Variants in BAG6 observed in about 807,000 individuals in gnomAD.
BAG6 encodes BAG cochaperone 6.
In BAG6, 22 loss-of-function variants were observed where a neutral mutation model predicts 121.0. The ratio of observed to expected loss-of-function variants is 0.18; its 90% CI spans 0.13 to 0.26. The LOEUF is 0.26. Ranked by LOEUF, BAG6 falls within the 10% of genes least tolerant of loss-of-function variation. BAG6 has a pLI of 1.00. For missense variants in BAG6, 1,233 were observed against 1,537.7 expected, an observed-to-expected ratio of 0.80 and a Z score of 3.31; for synonymous variants, 583 against 584.6, an observed-to-expected ratio of 1.00 and a Z score of 0.04.
chr6:31,648,291 C>G (rs948265954), intron 6 of BAG6, among the ~76,000 whole-genome samples: 1 of 152,210 alleles, frequency 6.6e-6, no homozygotes, highest in Non-Finnish European at 1.5e-5. Context: ...GCTGGGATTA[C>G]AGGCAGGAGC....
rs116555088 is a variant in BAG6, at chr6:31,639,241, T to C, written c.3394-15A>G. The stretch of plus-strand genomic sequence containing the variant: ...TCAGACCGGAGCTAAAGAGAAAAAG[T>C]AAGCAGGTTGGAGAAACGCTGGCCA... On this transcript the variant is annotated splice_polypyrimidine_tract_variant and intron_variant, in intron 25 of 25. Coordinates refer to ENST00000676615, the MANE Select transcript of BAG6 (RefSeq NM_001387994.1). The C allele has an allele frequency of 7.8e-3, 12,546 of 1,609,434 alleles. 557 individuals carry two copies. The South Asian group carries it at 0.092, about 12-fold the overall frequency.
At chr6:31,639,357 A>T in intron 25 of BAG6, 131 bp from the exon 26 acceptor site, 1 of 1,460,604 alleles carries the variant, frequency 6.8e-7, no homozygotes, top group Non-Finnish European at 9.4e-7. Flanking sequence ...CCGGGGTGGC[A>T]CTGTCAAGCC....
Position 31,642,417 on chromosome 6 carries a change from A to G in BAG6, c.2044-14T>C. On this transcript the variant is annotated splice_polypyrimidine_tract_variant and intron_variant, in intron 15 of 25. Transcript: ENST00000676615. The stretch of plus-strand genomic sequence containing the variant: ...TGTCTGTGTTGCCTGGCAAATAAAG[A>G]AAGAACAAAGAACAGAAAGTGAGGT... 1.1e-6 allele frequency: 1 copy of G among 948,086 alleles called. No individual in the cohort carries two copies. Among genetic ancestry groups the G allele is most frequent in the Non-Finnish European group, 1.5e-6 (1 of 665,228 alleles). The allele number at this position is 948,086 out of a possible 1,614,324, so 58.7% of individuals were successfully genotyped here.
rs764367280 is a variant in BAG6, at chr6:31,644,618, G to A, written c.1370-16C>T. The A allele has an allele frequency of 1.9e-6, 3 of 1,611,978 alleles. No individual in the cohort carries two copies. The East Asian group carries it at 6.7e-5, about 36-fold the overall frequency. On this transcript the variant is annotated splice_polypyrimidine_tract_variant and intron_variant, in intron 10 of 25. Coordinates refer to ENST00000676615, the MANE Select transcript of BAG6 (RefSeq NM_001387994.1). This position sits in a 1 kb window ranked among gnomAD's most constrained non-coding sequence, Gnocchi z 4.9. ...GTGCCAGAATCTGGGCAGGGAGACA[G>A]AGACAGTGGCCCTGAGGTAGGTAGG... is the stretch of plus-strand genomic sequence containing the variant.
Position 31,642,833 on chromosome 6 carries a change from A to C in BAG6, c.2039T>G (p.Leu680Trp). ...AATGGCAAGCCAGCCACTCACCTGC[A>C]AGAAGTCAGTCATGCCTTGGAGAAA... ...PAFLQGMTDF[L>W]QATQTAPPPP... The change falls in exon 15 of 26, where the codon TTG becomes TGG. Residue 680 changes from leucine to tryptophan, a missense_variant. Leu to Trp is a moderately conservative substitution (Grantham distance 61). This residue lies in a region of BAG6 where 777 missense variants were observed against 861.4 expected (regional missense o/e 0.90). Coordinates refer to ENST00000676615, the MANE Select transcript of BAG6 (RefSeq NM_001387994.1). 1 of 1,611,966 alleles carries C rather than the reference A, an allele frequency of 6.2e-7. No homozygotes were observed. Among genetic ancestry groups the C allele is most frequent in the Non-Finnish European group, 8.5e-7 (1 of 1,179,138 alleles).
chr6:31,649,627 T>C lies in BAG6; in HGVS notation c.109A>G (p.Met37Val). 1 of 1,611,072 alleles carries C rather than the reference T, an allele frequency of 6.2e-7. No individual in the cohort carries two copies. Among genetic ancestry groups the C allele is most frequent in the Non-Finnish European group, 8.5e-7 (1 of 1,177,456 alleles). Residue 37 changes from methionine to valine, a missense_variant and splice_region_variant, in exon 3 of 26, where the codon ATG becomes GTG. Met to Val is a conservative substitution (Grantham distance 21). Coordinates refer to ENST00000676615, the MANE Select transcript of BAG6 (RefSeq NM_001387994.1). Reference sequence around the variant, plus strand: ...TGCTCCTTAAACTCTTTTACATTCATCTGAAAAGAAGAGGCATGCACAGGA... The same window carrying C: ...TGCTCCTTAAACTCTTTTACATTCACCTGAAAAGAAGAGGCATGCACAGGA... Reference protein sequence around the residue: ...QTRTFIVGAQMNVKEFKEHIA... With the variant: ...QTRTFIVGAQVNVKEFKEHIA...
chr6:31,646,915 AG>A (rs1249255646), intron 7 of BAG6, among the ~76,000 whole-genome samples: 6 of 151,870 alleles, frequency 4.0e-5, no homozygotes, highest in Non-Finnish European at 8.8e-5. Context: ...CTGGGACTAC[AG>A]GTGCCCGCCA....
rs1785660830 is a variant in BAG6 at position 31,643,823 on chromosome 6, T to C, written c.1756+67A>G. On this transcript the variant is annotated intron_variant, in intron 14 of 25. Transcript: ENST00000676615. ...GGAACCAAGAAAATATGGAAAGAAC[T>C]GGAAAGTGCCAGTGAGCAGACTAGG... 2.0e-6 allele frequency: 3 copies of C among 1,496,312 alleles called. No homozygotes were observed. In the Admixed American group the frequency reaches 5.4e-5, roughly 27 times the overall value. 92.7% of individuals were successfully genotyped at this position (1,496,312 alleles called of 1,614,324 possible).
intron 2 of BAG6, among the ~76,000 whole-genome samples, chr6:31,650,812 G>A (rs555697670): frequency 6.6e-6 from 1 of 152,066 alleles, no homozygotes; most frequent in Admixed American, 6.5e-5. Context: ...AGAAAACCAT[G>A]GACCACCCCA....
rs1434475009 is a variant in BAG6 at position 31,639,032 on chromosome 6, G to C, written c.*99C>G. 8 of 943,896 alleles carry C rather than the reference G, an allele frequency of 8.5e-6. No individual in the cohort carries two copies. The highest frequency in any genetic ancestry group is 1.3e-5 in the Non-Finnish European group (8 of 625,274). The allele number at this position is 943,896 out of a possible 1,614,324, so 58.5% of individuals were successfully genotyped here. ...CACTACCTAATGGAGACAATGTAGA[G>C]AGAAAGCAGCCAGAAAAATCCGACT... On this transcript the variant is annotated 3_prime_UTR_variant, in exon 26 of 26. Coordinates refer to ENST00000676615, the MANE Select transcript of BAG6 (RefSeq NM_001387994.1).
intron 9 of BAG6, 69 bp downstream of exon 9, chr6:31,645,338 C>T: frequency 1.9e-6 from 3 of 1,611,132 alleles, no homozygotes; most frequent in Non-Finnish European, 2.5e-6. Flanking sequence ...CCTTCAGGCC[C>T]AGTAGCTACC....
chr6:31,639,121 G>A lies in BAG6; in HGVS notation c.*10C>T, dbSNP rs1209303373. The A allele has an allele frequency of 1.4e-6, 2 of 1,424,748 alleles. No homozygotes were observed. The highest frequency in any genetic ancestry group is 1.7e-5 in the Admixed American group (1 of 58,106). 88.3% of individuals were successfully genotyped at this position (1,424,748 alleles called of 1,614,324 possible). A position where few individuals can be genotyped will look rare whatever the true frequency, so the allele number is the denominator to read the frequency against. On this transcript the variant is annotated 3_prime_UTR_variant, in exon 26 of 26. Transcript: ENST00000676615. ...GGTCCCCTGATGAGGAAGGGCCATA[G>A]AGCAAAGAGCTAAGGATCATCAGCA... is the stretch of plus-strand genomic sequence containing the variant.
intron 8 of BAG6, 89 bp downstream of exon 8, chr6:31,646,305 G>A: frequency 6.5e-7 from 1 of 1,527,258 alleles, no homozygotes; most frequent in East Asian, 2.3e-5. Context: ...TGTTTTTCCA[G>A]GGAGGGAAAG....
intron 9 of BAG6, 88 bp downstream of exon 9, chr6:31,645,319 T>TCCTAACCTCCTTC (rs1482309257): frequency 6.2e-7 from 1 of 1,608,570 alleles, no homozygotes; most frequent in Non-Finnish European, 8.5e-7. Flanking sequence ...TCTCCTCCTT[T>TCCTAACCTCCTTC]CCTAACCTCC....
At chr6:31,651,522 G>C (rs370492994) in intron 2 of BAG6, 134 bp downstream of exon 2, 17 of 735,302 alleles carry the variant, frequency 2.3e-5, no homozygotes, top group East Asian at 1.8e-4. Context: ...CTGGAAGACA[G>C]GGCGTGACTC....
In BAG6 at chr6:31,642,855, G is replaced by A; in HGVS notation, c.2017C>T (p.Leu673Phe). 1 of 1,612,662 alleles carries A rather than the reference G, an allele frequency of 6.2e-7. No individual in the cohort carries two copies. Among genetic ancestry groups the A allele is most frequent in the Non-Finnish European group, 8.5e-7 (1 of 1,179,490 alleles). ...TGCAAGAAGTCAGTCATGCCTTGGA[G>A]AAAGGCAGGGACACCAGGCATCGCC... ...TVAMPGVPAFLQGMTDFLQAT... is the reference protein window; with the variant it reads ...TVAMPGVPAFFQGMTDFLQAT... The change falls in exon 15 of 26, where the codon CTC becomes TTC. Residue 673 changes from leucine (L) to phenylalanine (F), a missense_variant. Around this residue, in one of 7 missense-constraint regions of BAG6, gnomAD observed 777 missense variants for 861.4 expected, o/e 0.90. Transcript: ENST00000676615.
In BAG6 at chr6:31,640,935, G is replaced by A. The variant is rs576961335; in HGVS notation, c.2791C>T (p.Arg931Cys). Residue 931 changes from arginine to cysteine, a missense_variant, in exon 21 of 26, where the codon CGT becomes TGT. Arg to Cys is a radical substitution (Grantham distance 180, BLOSUM62 -3). This residue lies in a region of BAG6 where 288 missense variants were observed against 483.1 expected (regional missense o/e 0.60). Transcript: ENST00000676615. This position sits in a 1 kb window ranked among gnomAD's most constrained non-coding sequence, Gnocchi z 4.2. ...LAAVINGRIRRMSRGVNPSLV... is the reference protein window; with the variant it reads ...LAAVINGRIRCMSRGVNPSLV... ...GAGGGATTCACCCCACGAGACATAC[G>A]ACGCTGAGGGACAGAAAGCAGATTT... 12 of 1,611,720 alleles carry A rather than the reference G, an allele frequency of 7.4e-6. No individual in the cohort carries two copies. The East Asian group carries it at 2.5e-4, about 33-fold the overall frequency.
rs769740497 is a variant in BAG6 at position 31,641,528 on chromosome 6, G to A, written c.2559+11C>T. ...CCCAGGAGAGGAAAGGAATAGAGAA[G>A]GGTTACTCACAAAACTCTCCCGCAC... On this transcript the variant is annotated intron_variant, in intron 18 of 25. Coordinates refer to ENST00000676615, the MANE Select transcript of BAG6 (RefSeq NM_001387994.1). The surrounding 1 kb of genome is among the most constrained non-coding windows in gnomAD (Gnocchi z 5.7). 4.3e-6 allele frequency: 7 copies of A among 1,614,110 alleles called. No individual in the cohort carries two copies. Among genetic ancestry groups the A allele is most frequent in the South Asian group, 1.1e-5 (1 of 91,078 alleles).
At position 31,642,360 on chromosome 6, in the gene BAG6, G is replaced by T. The variant is rs1294996146; in HGVS notation, c.2087C>A (p.Pro696Gln). ...GGTCTGCTGCTCTGGGGCAGGTGGT[G>T]GGGGTGGAGGAGGTGGGGGTGGTGG... ...APPPPPPPPP[P>Q]PPAPEQQTMP... The change falls in exon 16 of 26, where the codon CCA becomes CAA. Residue 696 changes from proline to glutamine, a missense_variant. Physicochemically the swap from Pro to Gln is moderately conservative, Grantham distance 76. Around this residue, in one of 7 missense-constraint regions of BAG6, gnomAD observed 777 missense variants for 861.4 expected, o/e 0.90. Coordinates refer to ENST00000676615, the MANE Select transcript of BAG6 (RefSeq NM_001387994.1). The T allele has an allele frequency of 2.0e-6, 3 of 1,472,666 alleles. No individual in the cohort carries two copies. The highest frequency in any genetic ancestry group is 1.8e-6 in the Non-Finnish European group (2 of 1,087,986). The allele number at this position is 1,472,666 out of a possible 1,614,324, so 91.2% of individuals were successfully genotyped here.
Sources: gnomAD v4.1 joint callset for allele counts (sites outside exome capture counted in the v4.1 genomes callset) on GRCh38, gnomAD v4.1.1 for gene constraint, gnomAD v4.1.1 regional missense constraint, Gnocchi (gnomAD v3.1) non-coding constraint, MANE v1.5 for transcripts, NCBI Gene and HGNC (gene_info 2026-07-23, HGNC 2026-07-21) for gene names.